ARHGEF3: variants seen among roughly 807,000 people sequenced by gnomAD.
The protein encoded by ARHGEF3 is Rho guanine nucleotide exchange factor 3, also known as 59.8 kDA protein.
In ARHGEF3, 28 loss-of-function variants were observed where a neutral mutation model predicts 63.2. That is an observed-to-expected ratio of 0.44 (90% CI 0.33 to 0.61). The LOEUF (loss-of-function observed/expected upper bound fraction) is 0.61. Among genes scored for constraint, ARHGEF3 ranks in the 20% least tolerant of loss-of-function variants. The pLI is 0.03. For synonymous variants in ARHGEF3, 266 were observed against 254.2 expected, an observed-to-expected ratio of 1.05 and a Z score of -0.44; for missense variants, 533 against 659.3, an observed-to-expected ratio of 0.81 and a Z score of 2.10.
intron 4 of ARHGEF3, among the ~76,000 whole-genome samples, chr3:56,807,855 G>T (rs1007359672): frequency 6.6e-6 from 1 of 152,218 alleles, no homozygotes; most frequent in Admixed American, 6.5e-5. Flanking sequence ...TGGGTGCAGT[G>T]GCTCATGCCT....
chr3:56,900,715 A>C (rs1356870315), intron 3 of ARHGEF3, among the ~76,000 whole-genome samples: 1 of 152,222 alleles, frequency 6.6e-6, no homozygotes, highest in Non-Finnish European at 1.5e-5. Context: ...CAATGTAGAC[A>C]ATTTATAGAA....
At chr3:56,894,057 G>A (rs1342017148) in intron 3 of ARHGEF3, among the ~76,000 whole-genome samples, 1 of 152,102 alleles carries the variant, frequency 6.6e-6, no homozygotes, top group Non-Finnish European at 1.5e-5. Flanking sequence ...TGCACACCGT[G>A]TGGAAAGCAC....
chr3:56,994,083 A>AAAAAAAAAAAAAAAAAAAAAAC (rs1319930684), intron 2 of ARHGEF3, among the ~76,000 whole-genome samples: 1 of 146,058 alleles, frequency 6.8e-6, no homozygotes, highest in Non-Finnish European at 1.5e-5. Flanking sequence ...AAAAAAAAAA[A>AAAAAAAAAAAAAAAAAAAAAAC]AAGCACACTG....
intron 3 of ARHGEF3, among the ~76,000 whole-genome samples, chr3:56,935,311 G>A (rs1301655526): frequency 1.3e-5 from 2 of 152,098 alleles, no homozygotes; most frequent in Admixed American, 6.6e-5. Flanking sequence ...GATTGTAAAC[G>A]CACCAATCAG....
chr3:56,910,245 T>C lies in ARHGEF3; in HGVS notation c.130-27891A>G, dbSNP rs374885151. Among the ~76,000 whole-genome samples, 147 of 152,240 alleles carry C rather than the reference T, an allele frequency of 9.7e-4. 5 individuals are homozygous for C. In the South Asian group the frequency reaches 0.025, roughly 26 times the overall value. ...GTGTGTGTCCCTCTCTCCCCCATTT[T>C]CTCTGGGCTGGTAATGTTCCATTCA... On this transcript the variant is annotated intron_variant, in intron 3 of 12. Transcript: ENST00000338458.
intron 3 of ARHGEF3, among the ~76,000 whole-genome samples, chr3:56,934,269 T>C (rs2042490255): frequency 6.6e-6 from 1 of 152,246 alleles, no homozygotes; most frequent in African/African-American, 2.4e-5. Flanking sequence ...GAGAGAATAT[T>C]TACTGAGCAG....
intron 2 of ARHGEF3, 89 bp from the exon 3 acceptor site, chr3:56,755,240 A>C (rs1240972954): frequency 7.2e-7 from 1 of 1,394,496 alleles, no homozygotes; most frequent in African/African-American, 1.4e-5. Context: ...CGGAACATAA[A>C]TCATATATGT....
At chr3:56,873,851 A>G (rs1215878556) in intron 4 of ARHGEF3, among the ~76,000 whole-genome samples, 3 of 152,214 alleles carry the variant, frequency 2.0e-5, no homozygotes, top group African/African-American at 7.2e-5. Flanking sequence ...AAATCCCAAC[A>G]AACAGGTGTT....
At chr3:56,896,863 T>C (rs934688123) in intron 3 of ARHGEF3, among the ~76,000 whole-genome samples, 18 of 152,214 alleles carry the variant, frequency 1.2e-4, no homozygotes, top group African/African-American at 4.1e-4. Flanking sequence ...ACATGTGGCA[T>C]TGGTTTGGCC....
intron 4 of ARHGEF3, among the ~76,000 whole-genome samples, chr3:56,860,111 AAAAAT>A (rs1371707641): frequency 3.3e-5 from 5 of 152,336 alleles, no homozygotes; most frequent in African/African-American, 1.2e-4. Context: ...CAATTTAATT[AAAAAT>A]AAAATATAAT....
intron 2 of ARHGEF3, among the ~76,000 whole-genome samples, chr3:56,959,766 T>G (rs1270362750): frequency 6.6e-6 from 1 of 152,076 alleles, no homozygotes; most frequent in African/African-American, 2.4e-5. Flanking sequence ...TCACTTGAGG[T>G]CAGGAGTTCA....
At chr3:56,844,258 T>C (rs1370662332) in intron 4 of ARHGEF3, among the ~76,000 whole-genome samples, 7 of 152,226 alleles carry the variant, frequency 4.6e-5, no homozygotes, top group Admixed American at 3.3e-4. Flanking sequence ...TGTGGATTTA[T>C]AGGTAGGGAA....
chr3:56,995,637 G>C (rs1422479229), intron 2 of ARHGEF3, among the ~76,000 whole-genome samples: 44 of 86,004 alleles, frequency 5.1e-4, no homozygotes, highest in African/African-American at 1.8e-3. Context: ...GAGAGAGAGA[G>C]AGAGAGAGAG....
At chr3:56,775,800 G>GCACACA (rs146595496) in intron 1 of ARHGEF3, 27 of 213,800 alleles carry the variant, frequency 1.3e-4, no homozygotes, top group South Asian at 4.8e-4. Context: ...ACACGCGCAA[G>GCACACA]CACACACACA....
At chr3:57,028,829 G>GC (rs1703597570) in intron 2 of ARHGEF3, among the ~76,000 whole-genome samples, 1 of 152,058 alleles carries the variant, frequency 6.6e-6, no homozygotes, top group Non-Finnish European at 1.5e-5. Context: ...CTCAGGAGGT[G>GC]CCCCAAATAA....
At chr3:56,780,219 G>C (rs2036502338) in intron 1 of ARHGEF3, among the ~76,000 whole-genome samples, 1 of 152,194 alleles carries the variant, frequency 6.6e-6, no homozygotes, top group South Asian at 2.1e-4. Context: ...ATAATTATCA[G>C]AGCCTAGAAT....
intron 4 of ARHGEF3, among the ~76,000 whole-genome samples, chr3:56,871,868 T>C (rs2040441043): frequency 6.6e-6 from 1 of 152,204 alleles, no homozygotes; most frequent in Admixed American, 6.5e-5. Flanking sequence ...AATTTAGTAT[T>C]TCTTTCCAGT....
At chr3:56,879,757 C>T (rs985354895) in intron 4 of ARHGEF3, among the ~76,000 whole-genome samples, 1 of 152,064 alleles carries the variant, frequency 6.6e-6, no homozygotes, top group South Asian at 2.1e-4. Context: ...TAGATATCAT[C>T]ATTTAAATGC....
At chr3:56,834,667 C>T (rs528864540) in intron 4 of ARHGEF3, among the ~76,000 whole-genome samples, 4 of 150,396 alleles carry the variant, frequency 2.7e-5, no homozygotes, top group Admixed American at 6.7e-5. Flanking sequence ...GGCAGGAGAG[C>T]TGCTTGAACC....
Sources: allele counts gnomAD v4.1 joint callset (sites outside exome capture counted in the v4.1 genomes callset), GRCh38; gene constraint gnomAD v4.1.1; transcripts MANE v1.5; gene names NCBI Gene and HGNC (gene_info 2026-07-23, HGNC 2026-07-21).